Variants in RBMS1 observed in about 807,000 individuals in gnomAD.
RBMS1 encodes the protein RNA-binding motif, single-stranded-interacting protein 1.
A neutral mutation model predicts 62.3 loss-of-function variants in RBMS1; 17 were observed. That is an observed-to-expected ratio of 0.27 (90% CI 0.19 to 0.41). The LOEUF (loss-of-function observed/expected upper bound fraction) is 0.41, where lower values mean the gene tolerates loss of function less well. Among genes scored for constraint, RBMS1 ranks in the 10% least tolerant of loss-of-function variants. The probability of loss-of-function intolerance (pLI) is 1.00; values close to 1 mark genes in which losing one functional copy is unlikely to be tolerated. For missense variants in RBMS1, 334 were observed against 504.5 expected (o/e 0.66, Z 3.24); for synonymous variants, 172 against 170.0 (o/e 1.01, Z -0.09).
intron 1 of RBMS1, among the ~76,000 whole-genome samples, chr2:160,414,660 T>C (rs1696151096): frequency 1.3e-5 from 2 of 152,160 alleles, no homozygotes; most frequent in South Asian, 4.1e-4. Flanking sequence ...GGCATAATAG[T>C]TAATAAAAAT....
chr2:160,338,867 A>AAGAGGAAAG (rs1691718974), intron 2 of RBMS1, among the ~76,000 whole-genome samples: 1 of 152,228 alleles, frequency 6.6e-6, no homozygotes, highest in Non-Finnish European at 1.5e-5. Flanking sequence ...AAAGAGAATG[A>AAGAGGAAAG]AGCAAACACT....
intron 1 of RBMS1, among the ~76,000 whole-genome samples, chr2:160,451,668 G>C (rs913567088): frequency 3.3e-5 from 5 of 151,994 alleles, no homozygotes; most frequent in African/African-American, 9.7e-5. Context: ...GAGTGCAGTG[G>C]TGCAATCTCG....
At chr2:160,319,632 A>G (rs1343476711) in intron 2 of RBMS1, among the ~76,000 whole-genome samples, 1 of 152,242 alleles carries the variant, frequency 6.6e-6, no homozygotes, top group African/African-American at 2.4e-5. Context: ...ATTTACTTCA[A>G]AAATTCCACA....
At chr2:160,439,275 G>A (rs1391149623) in intron 1 of RBMS1, among the ~76,000 whole-genome samples, 4 of 149,210 alleles carry the variant, frequency 2.7e-5, no homozygotes, top group Admixed American at 2.6e-4. Flanking sequence ...GCTGCTGGGC[G>A]GAAGGGCTCC....
chr2:160,463,045 T>C (rs1167242236), intron 1 of RBMS1, among the ~76,000 whole-genome samples: 2 of 152,048 alleles, frequency 1.3e-5, no homozygotes, highest in African/African-American at 4.8e-5. Flanking sequence ...AATGGGCTCT[T>C]CCTGCAGAAC....
At chr2:160,462,613 C>A (rs1378890557) in intron 1 of RBMS1, among the ~76,000 whole-genome samples, 2 of 152,078 alleles carry the variant, frequency 1.3e-5, no homozygotes, top group East Asian at 3.9e-4. Flanking sequence ...ATAGTCATTT[C>A]TTTCTTTTTT....
chr2:160,276,777 G>C (rs1182699623), intron 12 of RBMS1: 1 of 152,110 alleles, frequency 6.6e-6, no homozygotes, highest in Non-Finnish European at 1.5e-5. Context: ...ACGATCTTTA[G>C]TACTGGGACT....
At chr2:160,304,558 A>G (rs1689394443) in intron 4 of RBMS1, among the ~76,000 whole-genome samples, 1 of 152,182 alleles carries the variant, frequency 6.6e-6, no homozygotes, top group Admixed American at 6.5e-5. Flanking sequence ...TGGTCCTGTA[A>G]TAGAGATGAA....
At chr2:160,331,218 G>A (rs1447364117) in intron 2 of RBMS1, among the ~76,000 whole-genome samples, 1 of 152,102 alleles carries the variant, frequency 6.6e-6, no homozygotes, top group Non-Finnish European at 1.5e-5. Flanking sequence ...CTTAACAAAT[G>A]AATAAAACTC....
At chr2:160,472,403 C>T (rs1684959086) in intron 1 of RBMS1, among the ~76,000 whole-genome samples, 1 of 152,108 alleles carries the variant, frequency 6.6e-6, no homozygotes. Flanking sequence ...TGTGTCATTC[C>T]CTTTTACTGT....
At chr2:160,362,371 AT>A (rs1693175929) in intron 2 of RBMS1, among the ~76,000 whole-genome samples, 1 of 152,132 alleles carries the variant, frequency 6.6e-6, no homozygotes, top group African/African-American at 2.4e-5. Context: ...CTTAATTTTG[AT>A]TTTAAAAGGT....
chr2:160,313,518 G>C lies in RBMS1; in HGVS notation c.311-271C>G, dbSNP rs188294677. On this transcript the variant is annotated intron_variant, in intron 3 of 13. Transcript: ENST00000348849. Reference sequence around the variant, plus strand: ...AGATCTTACGTGTCTTGTATTTACTGGTGGGGGGGAGACATCTAAGTTGCC... The same window carrying C: ...AGATCTTACGTGTCTTGTATTTACTCGTGGGGGGGAGACATCTAAGTTGCC... Among the ~76,000 whole-genome samples the C allele has an allele frequency of 7.6e-3, 1,148 of 151,842 alleles. 16 individuals are homozygous for C. Among genetic ancestry groups the C allele is most frequent in the African/African-American group, 0.026 (1,075 of 41,350 alleles).
chr2:160,385,737 C>T (rs974519085), intron 1 of RBMS1, among the ~76,000 whole-genome samples: 6 of 152,212 alleles, frequency 3.9e-5, no homozygotes, highest in African/African-American at 7.2e-5. Context: ...TATTCTCAAG[C>T]TTCACAGAGA....
intron 7 of RBMS1, among the ~76,000 whole-genome samples, chr2:160,285,471 A>G (rs1027649842): frequency 2.6e-5 from 4 of 152,216 alleles, no homozygotes; most frequent in South Asian, 2.1e-4. Flanking sequence ...TCAAGTGCTC[A>G]GAGAGCCACC....
chr2:160,384,304 G>C (rs767386959), intron 1 of RBMS1, among the ~76,000 whole-genome samples: 1 of 152,194 alleles, frequency 6.6e-6, no homozygotes, highest in Non-Finnish European at 1.5e-5. Context: ...GAGATTTGGG[G>C]TGGGGGTAAA....
intron 2 of RBMS1, among the ~76,000 whole-genome samples, chr2:160,327,514 G>C (rs1691011095): frequency 6.6e-6 from 1 of 151,652 alleles, no homozygotes; most frequent in Admixed American, 6.6e-5. Flanking sequence ...TTATTACACA[G>C]ACTTGCTATT....
intron 1 of RBMS1, among the ~76,000 whole-genome samples, chr2:160,416,897 T>C (rs564164227): frequency 2.0e-5 from 3 of 152,334 alleles, no homozygotes; most frequent in African/African-American, 4.8e-5. Context: ...CCATCCATCA[T>C]AGTTCTACCG....
intron 10 of RBMS1, chr2:160,279,319 G>T (rs1687989610): frequency 6.6e-6 from 1 of 151,408 alleles, no homozygotes; most frequent in African/African-American, 2.4e-5. Flanking sequence ...AAAAATGTTA[G>T]TCATTAAAAT....
chr2:160,350,789 T>C (rs1692448938), intron 2 of RBMS1, among the ~76,000 whole-genome samples: 2 of 152,170 alleles, frequency 1.3e-5, no homozygotes, highest in African/African-American at 4.8e-5. Flanking sequence ...GTCTTTGCTA[T>C]TGTGAATAGT....
Sources: allele counts gnomAD v4.1 joint callset (sites outside exome capture counted in the v4.1 genomes callset), GRCh38; gene constraint gnomAD v4.1.1; transcripts MANE v1.5; gene names NCBI Gene and HGNC (gene_info 2026-07-23, HGNC 2026-07-21).